The following CNTN4 variants were observed in gnomAD, a reference collection of about 807,000 sequenced individuals.
CNTN4 encodes contactin 4, also known as contactin-4.
A neutral mutation model predicts 122.5 loss-of-function variants in CNTN4; 77 were observed. The ratio of observed to expected loss-of-function variants is 0.63; its 90% confidence interval spans 0.52 to 0.76. The LOEUF (loss-of-function observed/expected upper bound fraction) is 0.76, where lower values mean the gene tolerates loss of function less well. Among genes scored for constraint, CNTN4 ranks in the 30% least tolerant of loss-of-function variants. The pLI is 0.00. For synonymous variants in CNTN4, 512 were observed against 447.0 expected, an observed-to-expected ratio of 1.15 and a Z score of -1.83; for missense variants, 1,256 against 1,259.1, an observed-to-expected ratio of 1.00 and a Z score of 0.04.
At chr3:2,899,056 T>G (rs1490207364) in intron 10 of CNTN4, among the ~76,000 whole-genome samples, 4 of 152,354 alleles carry the variant, frequency 2.6e-5, no homozygotes, top group African/African-American at 9.6e-5. Context: ...TCCCCTCATA[T>G]GCAGCAATGC....
At chr3:2,191,837 G>A (rs1018778682) in intron 2 of CNTN4, among the ~76,000 whole-genome samples, 8 of 151,974 alleles carry the variant, frequency 5.3e-5, no homozygotes, top group African/African-American at 1.2e-4. Flanking sequence ...CCATTAACTT[G>A]TCATTTACAT....
At chr3:2,242,241 A>C (rs1258281470) in intron 2 of CNTN4, among the ~76,000 whole-genome samples, 2 of 152,152 alleles carry the variant, frequency 1.3e-5, no homozygotes, top group Non-Finnish European at 2.9e-5. Context: ...TAATATAAAT[A>C]ACAGCAGTAA....
chr3:2,159,514 A>G (rs1192603828), intron 2 of CNTN4, among the ~76,000 whole-genome samples: 2 of 152,206 alleles, frequency 1.3e-5, no homozygotes, highest in Non-Finnish European at 2.9e-5. Context: ...TACAAAAGGC[A>G]TCAGAAGTTT....
intron 4 of CNTN4, among the ~76,000 whole-genome samples, chr3:2,595,382 G>A (rs1440275298): frequency 6.6e-6 from 1 of 152,148 alleles, no homozygotes; most frequent in African/African-American, 2.4e-5. Flanking sequence ...GCATGGCCTA[G>A]AGAAAAGGCT....
chr3:2,401,552 T>C (rs1477440059), intron 3 of CNTN4, among the ~76,000 whole-genome samples: 1 of 152,154 alleles, frequency 6.6e-6, no homozygotes, highest in Admixed American at 6.6e-5. Flanking sequence ...TGTAAAATAA[T>C]CATAGGTTTC....
intron 4 of CNTN4, among the ~76,000 whole-genome samples, chr3:2,715,034 C>T (rs933242689): frequency 6.6e-6 from 1 of 152,214 alleles, no homozygotes; most frequent in African/African-American, 2.4e-5. Flanking sequence ...CATTTGGCAG[C>T]TTTCTACATA....
intron 3 of CNTN4, among the ~76,000 whole-genome samples, chr3:2,520,649 G>T (rs151214806): frequency 2.1e-3 from 313 of 151,852 alleles, no homozygotes; most frequent in African/African-American, 7.2e-3. Flanking sequence ...CAAATGAGAG[G>T]GATAGAAAAA....
intron 3 of CNTN4, among the ~76,000 whole-genome samples, chr3:2,396,060 A>G (rs1366029457): frequency 1.3e-5 from 2 of 150,438 alleles, no homozygotes; most frequent in Non-Finnish European, 3.0e-5. Context: ...TTTTTTTTAG[A>G]CAAAGCCTCA....
At chr3:2,266,499 A>G (rs1035618279) in intron 2 of CNTN4, among the ~76,000 whole-genome samples, 1 of 151,988 alleles carries the variant, frequency 6.6e-6, no homozygotes, top group Non-Finnish European at 1.5e-5. Context: ...AACTCTTCCT[A>G]AAAATCAAAT....
intron 2 of CNTN4, among the ~76,000 whole-genome samples, chr3:2,176,764 T>C (rs979167598): frequency 7.9e-5 from 12 of 152,266 alleles, no homozygotes; most frequent in East Asian, 1.9e-4. Context: ...AGGAGATTGA[T>C]TGCTTTGAAA....
chr3:2,848,974 A>C (rs1303800428), intron 7 of CNTN4, among the ~76,000 whole-genome samples: 1 of 152,192 alleles, frequency 6.6e-6, no homozygotes, highest in African/African-American at 2.4e-5. Flanking sequence ...AAAAGATTAG[A>C]ATGAGGTTAC....
At chr3:2,187,964 T>G (rs1345307757) in intron 2 of CNTN4, among the ~76,000 whole-genome samples, 2 of 152,016 alleles carry the variant, frequency 1.3e-5, no homozygotes, top group African/African-American at 4.8e-5. Flanking sequence ...TTCTGCCACT[T>G]GTGAAAGCAA....
At chr3:2,103,610 A>G (rs2125092512) in intron 2 of CNTN4, among the ~76,000 whole-genome samples, 1 of 152,318 alleles carries the variant, frequency 6.6e-6, no homozygotes, top group East Asian at 1.9e-4. Flanking sequence ...TTCAGCTAAA[A>G]TAGCCTCTCC....
intron 14 of CNTN4, among the ~76,000 whole-genome samples, chr3:3,001,343 C>G (rs1287602276): frequency 6.6e-6 from 1 of 152,166 alleles, no homozygotes. Context: ...TGGCACTGAG[C>G]CAAGAATTCC....
chr3:2,330,850 G>C, intron 2 of CNTN4, among the ~76,000 whole-genome samples: 1 of 152,218 alleles, frequency 6.6e-6, no homozygotes, highest in Middle Eastern at 3.4e-3. Context: ...CGTAGGTACT[G>C]TTTTCCCCTA....
intron 5 of CNTN4, among the ~76,000 whole-genome samples, chr3:2,745,304 T>A (rs1361591084): frequency 6.6e-6 from 1 of 152,160 alleles, no homozygotes; most frequent in Non-Finnish European, 1.5e-5. Context: ...ATTAAAAAAA[T>A]TTTAATATCA....
chr3:2,631,718 A>G (rs2082435994), intron 4 of CNTN4, among the ~76,000 whole-genome samples: 1 of 151,890 alleles, frequency 6.6e-6, no homozygotes, highest in Non-Finnish European at 1.5e-5. Flanking sequence ...TAAGAGTTCA[A>G]AGTTTATGCA....
chr3:2,102,588 C>G (rs999846287), intron 2 of CNTN4, among the ~76,000 whole-genome samples: 3 of 152,150 alleles, frequency 2.0e-5, no homozygotes, highest in Non-Finnish European at 1.5e-5. Flanking sequence ...AGAGACCCAG[C>G]CTTCATCTGT....
intron 2 of CNTN4, among the ~76,000 whole-genome samples, chr3:2,109,801 T>G (rs548993353): frequency 3.3e-5 from 5 of 152,352 alleles, no homozygotes; most frequent in African/African-American, 1.2e-4. Flanking sequence ...TGATTAGCTA[T>G]TAGCTAGATA....
Sources: gnomAD v4.1 joint callset for allele counts (sites outside exome capture counted in the v4.1 genomes callset) on GRCh38, gnomAD v4.1.1 for gene constraint, MANE v1.5 for transcripts, NCBI Gene and HGNC (gene_info 2026-07-23, HGNC 2026-07-21) for gene names.